Variants in ATP8A2 observed in about 807,000 individuals in gnomAD.
ATP8A2 encodes the protein phospholipid-transporting ATPase IB.
In ATP8A2, 100 loss-of-function variants were observed where a neutral mutation model predicts 165.6. That is an observed-to-expected ratio of 0.60 (90% CI 0.51 to 0.71). The LOEUF (loss-of-function observed/expected upper bound fraction) is 0.71, where lower values mean the gene tolerates loss of function less well. ATP8A2 is among the 30% of genes least tolerant of loss of function. ATP8A2 has a pLI of 0.00. For synonymous variants in ATP8A2, 543 were observed against 548.8 expected, an observed-to-expected ratio of 0.99 and a Z score of 0.15; for missense variants, 1,227 against 1,479.5, an observed-to-expected ratio of 0.83 and a Z score of 2.80.
intron 1 of ATP8A2, among the ~76,000 whole-genome samples, chr13:25,426,719 G>C (rs1448719702): frequency 6.6e-6 from 1 of 152,032 alleles, no homozygotes; most frequent in Non-Finnish European, 1.5e-5. Flanking sequence ...GACACGGGTG[G>C]ATCACCTGAG....
intron 2 of ATP8A2, among the ~76,000 whole-genome samples, chr13:25,512,860 A>G (rs1462208564): frequency 1.8e-5 from 2 of 110,278 alleles, no homozygotes; most frequent in African/African-American, 3.5e-5. Context: ...AGGGGCGGCC[A>G]GGCAGAGGCG....
chr13:25,490,642 C>T (rs574089711), intron 2 of ATP8A2, among the ~76,000 whole-genome samples: 8 of 152,282 alleles, frequency 5.3e-5, no homozygotes, highest in Admixed American at 2.0e-4. Flanking sequence ...TCTCCGTGTA[C>T]CAGCAGTAAC....
intron 25 of ATP8A2, among the ~76,000 whole-genome samples, chr13:25,747,397 A>G (rs1226971966): frequency 6.6e-6 from 1 of 152,218 alleles, no homozygotes; most frequent in African/African-American, 2.4e-5. Flanking sequence ...GTCTTTCCAC[A>G]TAAGAGTTTG....
At chr13:25,392,835 G>A (rs1236193581) in intron 1 of ATP8A2, among the ~76,000 whole-genome samples, 1 of 151,832 alleles carries the variant, frequency 6.6e-6, no homozygotes, top group African/African-American at 2.4e-5. Context: ...CAGTGACTTG[G>A]GAGGCTGAGG....
intron 24 of ATP8A2, among the ~76,000 whole-genome samples, chr13:25,696,033 C>G (rs965135423): frequency 6.6e-5 from 10 of 152,168 alleles, no homozygotes; most frequent in Non-Finnish European, 1.2e-4. Context: ...CTAAATGACT[C>G]CTTGATCCAT....
rs776910877 is a variant in ATP8A2 at position 25,559,734 on chromosome 13, T to C, written c.1366T>C (p.Leu456=). The change falls in exon 15 of 37, where the codon TTG becomes CTG. Residue 456 remains leucine, a synonymous_variant. Coordinates refer to ENST00000381655, the MANE Select transcript of ATP8A2 (RefSeq NM_016529.6). ...TTTCTCTGGCAGTCACTTCCCAGAA[T>C]TGGCAAGAGAGCCGTCTTCAGATGA... is the stretch of plus-strand genomic sequence containing the variant. ...AGVTYGHFPE[L]AREPSSDDFC... is the part of the protein sequence containing the mutation. 15 of 1,613,586 alleles carry C rather than the reference T, an allele frequency of 9.3e-6. No homozygotes were observed. The highest frequency in any genetic ancestry group is 4.0e-5 in the African/African-American group (3 of 74,928).
chr13:25,934,042 C>T (rs1328969343), intron 33 of ATP8A2, among the ~76,000 whole-genome samples: 3 of 152,180 alleles, frequency 2.0e-5, no homozygotes, highest in Non-Finnish European at 2.9e-5. Context: ...AACTCATATG[C>T]AAAGGCCTAG....
At chr13:25,437,869 T>C (rs900228991) in intron 1 of ATP8A2, among the ~76,000 whole-genome samples, 1 of 152,212 alleles carries the variant, frequency 6.6e-6, no homozygotes, top group African/African-American at 2.4e-5. Flanking sequence ...GGAATCTTTA[T>C]AATACCCAAA....
chr13:25,477,633 C>T (rs2036031191), intron 2 of ATP8A2, among the ~76,000 whole-genome samples: 1 of 152,132 alleles, frequency 6.6e-6, no homozygotes, highest in Non-Finnish European at 1.5e-5. Flanking sequence ...TTTTGCAACT[C>T]TTCTATAAGT....
chr13:25,428,183 C>CAA (rs11343187), intron 1 of ATP8A2, among the ~76,000 whole-genome samples: 2,274 of 147,278 alleles, frequency 0.015, 56 homozygotes, highest in African/African-American at 0.055. Flanking sequence ...GACCCTGTCT[C>CAA]AAAAAAAAAA....
rs149458614 is a variant in ATP8A2 at position 25,827,862 on chromosome 13, C to A, written c.2680-256C>A. On this transcript the variant is annotated intron_variant, in intron 27 of 36. Coordinates refer to ENST00000381655, the MANE Select transcript of ATP8A2 (RefSeq NM_016529.6). ...CAAACCTATTAAATGCAAATTAAATCTATTTTTCTATGAACATGTGCATAT... is the reference window on the plus strand; with the variant it reads ...CAAACCTATTAAATGCAAATTAAATATATTTTTCTATGAACATGTGCATAT... 5.4e-3 allele frequency among the ~76,000 whole-genome samples: 829 copies of A among 152,330 alleles called. 5 individuals carry two copies. The highest frequency in any genetic ancestry group is 0.019 in the African/African-American group (793 of 41,566).
chr13:25,753,009 T>G (rs2044185805), intron 25 of ATP8A2, among the ~76,000 whole-genome samples: 2 of 152,168 alleles, frequency 1.3e-5, no homozygotes, highest in Non-Finnish European at 2.9e-5. Flanking sequence ...TGTGGAGTAC[T>G]GGGGGGCACC....
intron 9 of ATP8A2, among the ~76,000 whole-genome samples, chr13:25,543,004 T>C (rs972876940): frequency 2.6e-5 from 4 of 152,156 alleles, no homozygotes; most frequent in Admixed American, 2.6e-4. Flanking sequence ...CAACTTCCTT[T>C]CTGGGTATTG....
chr13:26,006,744 G>T (rs1459573098), intron 35 of ATP8A2, among the ~76,000 whole-genome samples: 1 of 151,690 alleles, frequency 6.6e-6, no homozygotes, highest in African/African-American at 2.4e-5. Context: ...AATTTTGTCA[G>T]GTGCTTTTTC....
chr13:25,497,326 T>A lies in ATP8A2; in HGVS notation c.221+28205T>A, dbSNP rs543163686. On this transcript the variant is annotated intron_variant, in intron 2 of 36. Transcript: ENST00000381655. ...TTAAACACAGAGTAGTTTTTAGGTT[T>A]AATTTAACCATTCAAAAGAATGGTT... is the stretch of plus-strand genomic sequence containing the variant. 3.9e-5 allele frequency among the ~76,000 whole-genome samples: 6 copies of A among 152,326 alleles called. No individual in the cohort carries two copies. The South Asian group carries it at 1.2e-3, about 32-fold the overall frequency.
At chr13:25,553,764 C>T in intron 11 of ATP8A2, 29 bp from the exon 12 acceptor site, 1 of 1,602,984 alleles carries the variant, frequency 6.2e-7, no homozygotes, top group Non-Finnish European at 8.5e-7. Context: ...TTGTGAACAC[C>T]TTTCAGATAC....
rs2038810209 is a variant in ATP8A2, at chr13:25,551,187, A to G, written c.892-151A>G. The G allele has an allele frequency of 1.4e-5, 9 of 659,900 alleles. No individual in the cohort carries two copies. The South Asian group carries it at 2.0e-4, about 14-fold the overall frequency. 40.9% of individuals were successfully genotyped at this position (659,900 alleles called of 1,614,324 possible). A position where few individuals can be genotyped will look rare whatever the true frequency, so the allele number is the denominator to read the frequency against. On this transcript the variant is annotated intron_variant, in intron 10 of 36. Transcript: ENST00000381655. ...TAAAACTAGCTATTGATTCAGGAGC[A>G]TGGTACACTTTTGAATTGCATTGAT...
intron 2 of ATP8A2, among the ~76,000 whole-genome samples, chr13:25,478,361 G>A (rs1566166339): frequency 6.6e-6 from 1 of 152,146 alleles, no homozygotes; most frequent in Non-Finnish European, 1.5e-5. Context: ...ACTACTTATA[G>A]CTGAGTCACT....
In ATP8A2 at chr13:25,554,877, T is replaced by G. The variant is rs953484297; in HGVS notation, c.1186-114T>G. 29 of 670,010 alleles carry G rather than the reference T, an allele frequency of 4.3e-5. No homozygotes were observed. In the African/African-American group the frequency reaches 4.6e-4, roughly 11 times the overall value. 41.5% of individuals were successfully genotyped at this position (670,010 alleles called of 1,614,324 possible). ...GCCCAGCCAAAATCAGCATTTCTAT[T>G]AAAATAAAAGGGTTTTAGATTACCC... On this transcript the variant is annotated intron_variant, in intron 12 of 36. Coordinates refer to ENST00000381655, the MANE Select transcript of ATP8A2 (RefSeq NM_016529.6).
Sources: gnomAD v4.1 joint callset for allele counts (sites outside exome capture counted in the v4.1 genomes callset) on GRCh38, gnomAD v4.1.1 for gene constraint, MANE v1.5 for transcripts, NCBI Gene and HGNC (gene_info 2026-07-23, HGNC 2026-07-21) for gene names.